Variants in ADGRB3 observed in about 807,000 individuals in gnomAD.
ADGRB3 encodes brain-specific angiogenesis inhibitor 3.
Under a neutral mutation model 193.4 loss-of-function variants are expected in ADGRB3, and 37 were observed. That is an observed-to-expected ratio of 0.19 (90% CI 0.15 to 0.25). The LOEUF (loss-of-function observed/expected upper bound fraction) is 0.25. Among genes scored for constraint, ADGRB3 ranks in the 10% least tolerant of loss-of-function variants. The pLI is 1.00. For synonymous variants in ADGRB3, 690 were observed against 644.2 expected (o/e 1.07, Z -1.08); for missense variants, 1,637 against 1,852.9 (o/e 0.88, Z 2.14).
At chr6:68,703,351 C>T (rs1765273621) in intron 3 of ADGRB3, among the ~76,000 whole-genome samples, 1 of 152,112 alleles carries the variant, frequency 6.6e-6, no homozygotes, top group South Asian at 2.1e-4. Flanking sequence ...CCATAAGCTA[C>T]TACCATTGTG....
intron 4 of ADGRB3, 124 bp from the exon 5 acceptor site, chr6:68,936,395 T>C: frequency 9.8e-7 from 1 of 1,017,712 alleles, no homozygotes; most frequent in East Asian, 2.6e-5. Flanking sequence ...CATGTACCTT[T>C]TGATGTATGG....
intron 3 of ADGRB3, among the ~76,000 whole-genome samples, chr6:68,877,553 T>C (rs1765627292): frequency 6.6e-6 from 1 of 152,134 alleles, no homozygotes; most frequent in Admixed American, 6.5e-5. Flanking sequence ...AGGCAGGGGT[T>C]CTTCCAAATG....
intron 21 of ADGRB3, among the ~76,000 whole-genome samples, chr6:69,327,053 A>C (rs1341856140): frequency 2.0e-5 from 3 of 152,158 alleles, no homozygotes; most frequent in Non-Finnish European, 4.4e-5. Context: ...GAAAGAAGAC[A>C]GACAGAGGAC....
chr6:68,911,289 GC>G (rs1766701187), intron 3 of ADGRB3, among the ~76,000 whole-genome samples: 4 of 117,036 alleles, frequency 3.4e-5, no homozygotes, highest in African/African-American at 1.3e-4. Context: ...AGGGGGGAGG[GC>G]TAGCATTAGG....
chr6:68,923,285 A>G (rs999527181), intron 3 of ADGRB3, among the ~76,000 whole-genome samples: 1 of 152,084 alleles, frequency 6.6e-6, no homozygotes, highest in Admixed American at 6.6e-5. Context: ...GTAAAGTAAA[A>G]ATATGTAAAA....
At chr6:69,337,323 G>T (rs1768873573) in intron 24 of ADGRB3, among the ~76,000 whole-genome samples, 1 of 152,100 alleles carries the variant, frequency 6.6e-6, no homozygotes, top group African/African-American at 2.4e-5. Flanking sequence ...AATCTGATCA[G>T]ATTTAACAAG....
chr6:68,932,392 A>G (rs548545774), intron 4 of ADGRB3, among the ~76,000 whole-genome samples: 2 of 152,234 alleles, frequency 1.3e-5, no homozygotes, highest in East Asian at 3.9e-4. Flanking sequence ...TTTTCAGCCA[A>G]AACCCTTTTG....
At chr6:69,041,978 A>T (rs1771085809) in intron 13 of ADGRB3, among the ~76,000 whole-genome samples, 2 of 152,068 alleles carry the variant, frequency 1.3e-5, no homozygotes, top group African/African-American at 4.8e-5. Context: ...CATAATCCCC[A>T]TGTGTCCTGG....
intron 17 of ADGRB3, among the ~76,000 whole-genome samples, chr6:69,231,250 A>G (rs979296481): frequency 2.6e-5 from 4 of 152,230 alleles, no homozygotes; most frequent in Admixed American, 1.3e-4. Context: ...TGATGCTAAC[A>G]TCATCTTGAG....
intron 20 of ADGRB3, among the ~76,000 whole-genome samples, chr6:69,275,563 A>C (rs983515275): frequency 1.1e-4 from 17 of 152,056 alleles, no homozygotes; most frequent in Admixed American, 6.6e-5. Context: ...ATAAAAATAC[A>C]TATTATATAA....
chr6:69,199,319 G>C (rs1443951358), intron 17 of ADGRB3, among the ~76,000 whole-genome samples: 1 of 152,072 alleles, frequency 6.6e-6, no homozygotes, highest in Non-Finnish European at 1.5e-5. Context: ...TCTATAAGCA[G>C]ACTGTTTTTG....
intron 5 of ADGRB3, among the ~76,000 whole-genome samples, chr6:68,942,530 G>A (rs1191610886): frequency 6.6e-6 from 1 of 152,022 alleles, no homozygotes; most frequent in Non-Finnish European, 1.5e-5. Context: ...TGTCTATTAG[G>A]GTGCTATTAT....
intron 6 of ADGRB3, among the ~76,000 whole-genome samples, chr6:68,947,899 T>C (rs1767814780): frequency 1.3e-5 from 2 of 152,136 alleles, no homozygotes; most frequent in African/African-American, 4.8e-5. Context: ...CTAGCTGAAT[T>C]TGTTACTCTT....
chr6:68,973,339 G>C (rs190416429), intron 8 of ADGRB3, among the ~76,000 whole-genome samples: 1 of 152,122 alleles, frequency 6.6e-6, no homozygotes, highest in Non-Finnish European at 1.5e-5. Context: ...TGTCAGCTTT[G>C]TAATACCCAT....
At chr6:69,218,996 G>A (rs1765832110) in intron 17 of ADGRB3, among the ~76,000 whole-genome samples, 1 of 151,990 alleles carries the variant, frequency 6.6e-6, no homozygotes, top group Admixed American at 6.6e-5. Flanking sequence ...TCCCTTCCTA[G>A]GGCTGTTCTT....
chr6:68,885,962 G>T (rs1765894846), intron 3 of ADGRB3, among the ~76,000 whole-genome samples: 1 of 152,102 alleles, frequency 6.6e-6, no homozygotes, highest in Middle Eastern at 3.2e-3. Flanking sequence ...GAAACGTCCA[G>T]TGAAAATAAA....
In ADGRB3 at chr6:69,103,377, A is replaced by G. The variant is rs563944185; in HGVS notation, c.2480+27339A>G. ...GTAGACATCAAAAAAACTATTTTAT[A>G]TAGCATTGCTTAGACAACCAAATTA... On this transcript the variant is annotated intron_variant, in intron 17 of 31. Coordinates refer to ENST00000370598, the MANE Select transcript of ADGRB3 (RefSeq NM_001704.3). Among the ~76,000 whole-genome samples, 69 of 152,224 alleles carry G rather than the reference A, an allele frequency of 4.5e-4. 1 individual carries two copies. The highest frequency in any genetic ancestry group is 9.0e-4 in the Non-Finnish European group (61 of 68,032).
chr6:68,731,317 A>G (rs928552480), intron 3 of ADGRB3, among the ~76,000 whole-genome samples: 4 of 151,618 alleles, frequency 2.6e-5, no homozygotes, highest in African/African-American at 9.6e-5. Flanking sequence ...AAAAGTATTG[A>G]TTTAAATTAT....
chr6:68,993,308 T>A (rs117791855), intron 10 of ADGRB3, among the ~76,000 whole-genome samples: 2,724 of 152,280 alleles, frequency 0.018, 39 homozygotes, highest in Non-Finnish European at 0.028. Flanking sequence ...TTTGCTGCTC[T>A]ATAGAGATGT....
Sources: gnomAD v4.1 joint callset for allele counts (sites outside exome capture counted in the v4.1 genomes callset) on GRCh38, gnomAD v4.1.1 for gene constraint, MANE v1.5 for transcripts, NCBI Gene and HGNC (gene_info 2026-07-23, HGNC 2026-07-21) for gene names.